SPMIP7: variants seen among roughly 807,000 people sequenced by gnomAD.
The protein encoded by SPMIP7 is protein SPMIP7.
the SPMIP7 span, chr7:50,121,186 A>G: frequency 6.6e-6 from 1 of 152,240 alleles, no homozygotes; most frequent in Non-Finnish European, 1.5e-5. Context: ...AAACAAGTCC[A>G]TTATGAAGGT....
At chr7:50,096,623 A>G in the SPMIP7 span, 32 of 1,542,812 alleles carry the variant, frequency 2.1e-5, no homozygotes, top group Non-Finnish European at 2.7e-5. Context: ...CATTTCTATC[A>G]GAGCAAGACT....
At chr7:50,147,459 T>C in the SPMIP7 span, among the ~76,000 whole-genome samples, 2 of 152,214 alleles carry the variant, frequency 1.3e-5, no homozygotes, top group African/African-American at 2.4e-5. Flanking sequence ...TGACACAAGA[T>C]TGTTGTGAGA....
the SPMIP7 span, among the ~76,000 whole-genome samples, chr7:50,105,194 T>C: frequency 6.6e-6 from 1 of 152,160 alleles, no homozygotes; most frequent in East Asian, 1.9e-4. Context: ...ATAAAAACAT[T>C]TTTAAAAAAC....
the SPMIP7 span, chr7:50,158,958 A>G: frequency 1.4e-6 from 2 of 1,383,404 alleles, no homozygotes; most frequent in African/African-American, 2.9e-5. Flanking sequence ...CCCTTCCCGC[A>G]CAGGGGTATC....
the SPMIP7 span, among the ~76,000 whole-genome samples, chr7:50,157,162 G>A: frequency 1.3e-5 from 2 of 152,288 alleles, no homozygotes; most frequent in South Asian, 4.1e-4. Flanking sequence ...TAAGTTGTTT[G>A]AGCCTCAAAT....
chr7:50,127,987 C>A, the SPMIP7 span, among the ~76,000 whole-genome samples: 2 of 151,854 alleles, frequency 1.3e-5, no homozygotes, highest in South Asian at 4.1e-4. Context: ...GAAAGGAAAA[C>A]AATATATCGA....
the SPMIP7 span, among the ~76,000 whole-genome samples, chr7:50,139,907 A>G: frequency 6.6e-6 from 1 of 152,232 alleles, no homozygotes; most frequent in South Asian, 2.1e-4. Flanking sequence ...TCTGAAATAC[A>G]TTTTGAAAGC....
At chr7:50,124,727 G>A in the SPMIP7 span, among the ~76,000 whole-genome samples, 4 of 152,182 alleles carry the variant, frequency 2.6e-5, no homozygotes, top group African/African-American at 9.6e-5. Context: ...TTAAAACTCT[G>A]CTAAGAAGAA....
chr7:50,110,072 A>G, the SPMIP7 span, among the ~76,000 whole-genome samples: 5 of 152,110 alleles, frequency 3.3e-5, no homozygotes, highest in Admixed American at 2.6e-4. Context: ...GCTGTAGTCA[A>G]TTTGAATATT....
At chr7:50,104,324 C>T in the SPMIP7 span, 1 of 1,523,788 alleles carries the variant, frequency 6.6e-7, no homozygotes, top group African/African-American at 1.4e-5. Flanking sequence ...GTTGGACAAG[C>T]CCTCTGAAAG....
chr7:50,137,358 T>C, the SPMIP7 span, among the ~76,000 whole-genome samples: 1 of 152,152 alleles, frequency 6.6e-6, no homozygotes, highest in African/African-American at 2.4e-5. Context: ...TTGACATCTG[T>C]GTTTCTAGGA....
At chr7:50,153,632 G>A in the SPMIP7 span, among the ~76,000 whole-genome samples, 2 of 152,198 alleles carry the variant, frequency 1.3e-5, no homozygotes, top group African/African-American at 4.8e-5. Context: ...CTGTGAGGAA[G>A]GGAATGTTAC....
the SPMIP7 span, among the ~76,000 whole-genome samples, chr7:50,118,338 C>T: frequency 6.6e-6 from 1 of 152,132 alleles, no homozygotes; most frequent in Non-Finnish European, 1.5e-5. Context: ...ACAGCATGAT[C>T]CAAATTATGA....
the SPMIP7 span, chr7:50,134,347 C>A: frequency 1.0e-6 from 1 of 990,622 alleles, no homozygotes; most frequent in Non-Finnish European, 1.4e-6. Flanking sequence ...TTAACAATAC[C>A]TAAGGAAGTA....
the SPMIP7 span, among the ~76,000 whole-genome samples, chr7:50,098,017 A>G: frequency 4.9e-4 from 74 of 152,202 alleles, no homozygotes; most frequent in Non-Finnish European, 1.0e-4. Context: ...TAGGCTTTCA[A>G]TGACTTTGTA....
At chr7:50,102,513 T>A in the SPMIP7 span, among the ~76,000 whole-genome samples, 1 of 152,134 alleles carries the variant, frequency 6.6e-6, no homozygotes, top group African/African-American at 2.4e-5. Flanking sequence ...ATCCTACTCA[T>A]ATGATCACCT....
chr7:50,112,605 T>G, the SPMIP7 span, among the ~76,000 whole-genome samples: 2 of 152,072 alleles, frequency 1.3e-5, no homozygotes, highest in African/African-American at 4.8e-5. Context: ...TTTAGCCAAA[T>G]AGAAAACTGG....
chr7:50,117,240 T>G, the SPMIP7 span: 1 of 456,098 alleles, frequency 2.2e-6, no homozygotes, highest in Non-Finnish European at 4.4e-6. Context: ...ATTCAGGCAT[T>G]AGGAGTACTT....
At chr7:50,122,645 G>T in the SPMIP7 span, among the ~76,000 whole-genome samples, 1 of 150,446 alleles carries the variant, frequency 6.6e-6, no homozygotes, top group African/African-American at 2.4e-5. Context: ...CAAAATGGGA[G>T]AAAATTTTTG....
Sources: gnomAD v4.1 joint callset for allele counts (sites outside exome capture counted in the v4.1 genomes callset) on GRCh38, gnomAD v4.1.1 for gene constraint, MANE v1.5 for transcripts, NCBI Gene and HGNC (gene_info 2026-07-23, HGNC 2026-07-21) for gene names.